SLC23A2: variants seen among roughly 807,000 people sequenced by gnomAD.
SLC23A2 encodes solute carrier family 23 member 2, also known as Na(+)/L-ascorbic acid transporter 2.
Under a neutral mutation model 73.3 loss-of-function variants are expected in SLC23A2, and 36 were observed. The ratio of observed to expected loss-of-function variants is 0.49; its 90% CI spans 0.38 to 0.65. The LOEUF is 0.65. SLC23A2 is among the 30% of genes least tolerant of loss of function. The pLI is 0.00. For missense variants in SLC23A2, 507 were observed against 841.6 expected (o/e 0.60, Z 4.92); for synonymous variants, 343 against 327.3 (o/e 1.05, Z -0.52).
At chr20:4,953,709 T>G (rs2087238554) in intron 2 of SLC23A2, among the ~76,000 whole-genome samples, 1 of 152,092 alleles carries the variant, frequency 6.6e-6, no homozygotes, top group African/African-American at 2.4e-5. Flanking sequence ...GCCAACATGA[T>G]GAAACCCCAT....
chr20:4,887,116 C>T (rs561964851), intron 6 of SLC23A2, among the ~76,000 whole-genome samples: 4 of 152,296 alleles, frequency 2.6e-5, no homozygotes, highest in Middle Eastern at 3.4e-3. Flanking sequence ...AAGGCACAGA[C>T]GCAGGCTACA....
intron 11 of SLC23A2, among the ~76,000 whole-genome samples, chr20:4,871,068 T>A (rs73893852): frequency 3.3e-5 from 5 of 152,192 alleles, no homozygotes; most frequent in African/African-American, 9.7e-5. Flanking sequence ...AAAAATAGCA[T>A]GGGTCTCTTT....
intron 1 of SLC23A2, among the ~76,000 whole-genome samples, chr20:4,991,259 C>T (rs894465298): frequency 5.9e-5 from 9 of 152,174 alleles, no homozygotes; most frequent in Admixed American, 2.0e-4. Flanking sequence ...CAGGTATGCA[C>T]ACCACCACGC....
Position 4,872,561 on chromosome 20 carries a change from C to T in SLC23A2, c.1102+1375G>A, listed in dbSNP as rs1930491083. Among the ~76,000 whole-genome samples, 1 of 152,084 alleles carries T rather than the reference C, an allele frequency of 6.6e-6. No individual in the cohort carries two copies. Among genetic ancestry groups the T allele is most frequent in the Non-Finnish European group, 1.5e-5 (1 of 68,020 alleles). ...CACAAGCAGAAGACCACCTTGTATA[C>T]GCTGTGGGGGCTTCTACCTACCTGC... is the stretch of plus-strand genomic sequence containing the variant. On this transcript the variant is annotated intron_variant, in intron 11 of 16. Transcript: ENST00000338244. This position sits in a 1 kb window ranked among gnomAD's most constrained non-coding sequence, Gnocchi z 4.4.
intron 9 of SLC23A2, among the ~76,000 whole-genome samples, chr20:4,881,709 T>A (rs1055942403): frequency 3.3e-5 from 5 of 152,200 alleles, no homozygotes; most frequent in African/African-American, 7.2e-5. Flanking sequence ...TTTGTCCTGT[T>A]TTCTTAGTTA....
intron 9 of SLC23A2, among the ~76,000 whole-genome samples, chr20:4,879,577 G>A (rs540065978): frequency 1.3e-5 from 2 of 151,934 alleles, no homozygotes; most frequent in East Asian, 3.9e-4. Flanking sequence ...GGTACTCTTG[G>A]GAGGCTGACG....
chr20:4,964,752 C>A (rs1330167977), intron 2 of SLC23A2, among the ~76,000 whole-genome samples: 5 of 151,332 alleles, frequency 3.3e-5, no homozygotes, highest in African/African-American at 4.9e-5. Context: ...GCAGGAGGAT[C>A]CCCTGCACCC....
chr20:4,953,749 T>C (rs1199107345), intron 2 of SLC23A2, among the ~76,000 whole-genome samples: 1 of 151,816 alleles, frequency 6.6e-6, no homozygotes, highest in Non-Finnish European at 1.5e-5. Context: ...ATTAGCTGAG[T>C]GTGGTGGCGC....
chr20:4,979,433 G>A (rs1181419749), intron 1 of SLC23A2, among the ~76,000 whole-genome samples: 1 of 152,016 alleles, frequency 6.6e-6, no homozygotes. Context: ...GGGCCAGCAT[G>A]GTGGCTCATA....
intron 4 of SLC23A2, among the ~76,000 whole-genome samples, chr20:4,908,761 C>T (rs1207591142): frequency 6.6e-6 from 1 of 152,146 alleles, no homozygotes; most frequent in East Asian, 1.9e-4. Context: ...AACCCCGTCT[C>T]TACTAAAAAT....
intron 13 of SLC23A2, among the ~76,000 whole-genome samples, chr20:4,864,105 A>G (rs998592766): frequency 6.6e-5 from 10 of 152,232 alleles, no homozygotes; most frequent in African/African-American, 2.4e-4. Context: ...TGCCTCTTGC[A>G]GGAAAACACC....
chr20:4,867,869 A>G lies in SLC23A2; in HGVS notation c.1257T>C (p.Ile419=), dbSNP rs1485468395. The change falls in exon 13 of 17, where the codon ATT becomes ATC. Residue 419 remains isoleucine, a synonymous_variant. Transcript: ENST00000338244. ...PPPIHAINRG[I]FVEGLSCVLD... ...GAACACAGGAGAGGCCTTCCACGAAAATTCCCCTAAGATGTAAAGGAATGG... is the reference window on the plus strand; with the variant it reads ...GAACACAGGAGAGGCCTTCCACGAAGATTCCCCTAAGATGTAAAGGAATGG... The G allele has an allele frequency of 1.9e-6, 3 of 1,584,968 alleles. No homozygotes were observed. In the Admixed American group the frequency reaches 5.0e-5, roughly 26 times the overall value.
At chr20:4,942,419 C>T (rs2087057373) in intron 2 of SLC23A2, among the ~76,000 whole-genome samples, 1 of 145,946 alleles carries the variant, frequency 6.9e-6, no homozygotes, top group Non-Finnish European at 1.5e-5. Flanking sequence ...AAATGTAAAC[C>T]TGACAGATAA....
Position 4,933,902 on chromosome 20 carries a change from C to T in SLC23A2, c.-154-1186G>A, listed in dbSNP as rs937454959. On this transcript the variant is annotated intron_variant, in intron 2 of 16. Transcript: ENST00000338244. ...TGCAATAAGTTTGGAAATACAAGTA[C>T]AGAACTTGCTGTTTGAGGAACTCTT... Among the ~76,000 whole-genome samples the T allele has an allele frequency of 3.9e-5, 6 of 152,144 alleles. No homozygotes were observed. In the East Asian group the frequency reaches 7.7e-4, roughly 19 times the overall value.
intron 3 of SLC23A2, among the ~76,000 whole-genome samples, chr20:4,919,079 T>C (rs930016760): frequency 6.6e-6 from 1 of 152,200 alleles, no homozygotes; most frequent in Non-Finnish European, 1.5e-5. Context: ...TCAATATTAT[T>C]AGAAATTTCA....
At chr20:4,867,742 A>G (rs767191077) in intron 13 of SLC23A2, 28 bp downstream of exon 13, 3 of 1,311,328 alleles carry the variant, frequency 2.3e-6, no homozygotes, top group Non-Finnish European at 3.3e-6. Context: ...TTAGAAACCC[A>G]ATCATTTAAT....
At position 4,883,857 on chromosome 20, in the gene SLC23A2, G is replaced by A; in HGVS notation, c.643-34C>T. 6.6e-7 allele frequency: 1 copy of A among 1,522,186 alleles called. No individual in the cohort carries two copies. Among genetic ancestry groups the A allele is most frequent in the Non-Finnish European group, 9.0e-7 (1 of 1,109,832 alleles). The allele number at this position is 1,522,186 out of a possible 1,614,324, so 94.3% of individuals were successfully genotyped here. On this transcript the variant is annotated intron_variant, in intron 8 of 16. Transcript: ENST00000338244. This position sits in a 1 kb window ranked among gnomAD's most constrained non-coding sequence, Gnocchi z 4.5. ...AGAGATGGCACAGACATGAGAGTGA[G>A]CTGCTTGTACACTGCACACTCAGAA... is the stretch of plus-strand genomic sequence containing the variant.
chr20:4,861,900 G>C, intron 15 of SLC23A2, 48 bp downstream of exon 15: 2 of 1,602,264 alleles, frequency 1.2e-6, no homozygotes, highest in Non-Finnish European at 1.7e-6. Context: ...GTGGACTGGC[G>C]GCTGTGGTTC....
At chr20:5,000,767 G>A (rs899578684) in intron 1 of SLC23A2, among the ~76,000 whole-genome samples, 10 of 152,190 alleles carry the variant, frequency 6.6e-5, no homozygotes, top group Non-Finnish European at 1.3e-4. Flanking sequence ...CACTCGAAAT[G>A]TCATTTTTTC....
Sources: allele counts gnomAD v4.1 joint callset (sites outside exome capture counted in the v4.1 genomes callset), GRCh38; gene constraint gnomAD v4.1.1; non-coding constraint Gnocchi (gnomAD v3.1); transcripts MANE v1.5; gene names NCBI Gene and HGNC (gene_info 2026-07-23, HGNC 2026-07-21).